The following BMPR1B variants were observed in gnomAD, a reference collection of about 807,000 sequenced individuals.
BMPR1B encodes bone morphogenetic protein receptor type 1B, also known as bone morphogenetic protein receptor type-1B.
Under a neutral mutation model 59.1 loss-of-function variants are expected in BMPR1B, and 12 were observed. That is an observed-to-expected ratio of 0.20 (90% CI 0.13 to 0.33). The LOEUF (loss-of-function observed/expected upper bound fraction) is 0.33. BMPR1B is among the 10% of genes least tolerant of loss of function. The pLI, the probability that BMPR1B is intolerant of heterozygous loss-of-function variation, is 1.00. For synonymous variants in BMPR1B, 237 were observed against 207.3 expected, an observed-to-expected ratio of 1.14 and a Z score of -1.23; for missense variants, 550 against 610.9, an observed-to-expected ratio of 0.90 and a Z score of 1.05.
intron 2 of BMPR1B, among the ~76,000 whole-genome samples, chr4:94,902,030 G>T (rs1184036660): frequency 1.3e-5 from 2 of 148,452 alleles, no homozygotes; most frequent in South Asian, 4.4e-4. Context: ...GGTTAAGAGG[G>T]CTCTGCAGAC....
intron 1 of BMPR1B, among the ~76,000 whole-genome samples, chr4:94,798,256 C>G (rs1723269674): frequency 6.6e-6 from 1 of 152,154 alleles, no homozygotes; most frequent in South Asian, 2.1e-4. Flanking sequence ...CGTTTGCAGT[C>G]CTAAGGTCCT....
intron 2 of BMPR1B, among the ~76,000 whole-genome samples, chr4:94,980,321 A>G (rs945267067): frequency 4.6e-5 from 7 of 152,202 alleles, no homozygotes; most frequent in Admixed American, 3.9e-4. Flanking sequence ...AAATAGGATT[A>G]CTTATTTCAT....
intron 3 of BMPR1B, among the ~76,000 whole-genome samples, chr4:95,095,967 A>G (rs1730341234): frequency 6.6e-6 from 1 of 151,902 alleles, no homozygotes; most frequent in East Asian, 1.9e-4. Context: ...AATTTTGAAG[A>G]TAAAATTTAA....
chr4:95,041,109 C>T (rs1282095755), intron 3 of BMPR1B, among the ~76,000 whole-genome samples: 6 of 152,274 alleles, frequency 3.9e-5, no homozygotes, highest in Admixed American at 6.5e-5. Context: ...TACATTGGCA[C>T]GATCATGGCT....
rs1293725838 is a variant in BMPR1B, at chr4:94,987,212, TATC to T, written c.-112-8825_-112-8823del. Among the ~76,000 whole-genome samples, 7 of 143,586 alleles carry T rather than the reference TATC, an allele frequency of 4.9e-5. No homozygotes were observed. The East Asian group carries it at 9.8e-4, about 20-fold the overall frequency. 94.2% of individuals were successfully genotyped at this position (143,586 alleles called of 152,430 possible). A position where few individuals can be genotyped will look rare whatever the true frequency, so the allele number is the denominator to read the frequency against. ...TAATATATCATATATATGTAATATA[TATC>T]ATATTATATATAATATATGTAATAT... On this transcript the variant is annotated intron_variant, in intron 2 of 12. Coordinates refer to ENST00000515059, the MANE Select transcript of BMPR1B (RefSeq NM_001203.3).
At chr4:95,008,154 G>A (rs1470990118) in intron 3 of BMPR1B, among the ~76,000 whole-genome samples, 1 of 152,070 alleles carries the variant, frequency 6.6e-6, no homozygotes, top group Non-Finnish European at 1.5e-5. Flanking sequence ...GAGTTTATAA[G>A]GAATACAGGC....
chr4:94,982,871 G>C (rs1721179388), intron 2 of BMPR1B, among the ~76,000 whole-genome samples: 1 of 151,954 alleles, frequency 6.6e-6, no homozygotes, highest in Non-Finnish European at 1.5e-5. Flanking sequence ...TGTAGTCCCA[G>C]CTACTCGGGA....
At chr4:95,048,499 CT>C (rs1726204006) in intron 3 of BMPR1B, among the ~76,000 whole-genome samples, 1 of 152,156 alleles carries the variant, frequency 6.6e-6, no homozygotes, top group Non-Finnish European at 1.5e-5. Context: ...GCCTTTCTGA[CT>C]GGTGTAAGAT....
chr4:94,929,584 T>C (rs1017876707), intron 2 of BMPR1B, among the ~76,000 whole-genome samples: 1 of 152,116 alleles, frequency 6.6e-6, no homozygotes, highest in Non-Finnish European at 1.5e-5. Flanking sequence ...CTGCTTTGGT[T>C]CCTTTGCAAG....
Position 94,803,779 on chromosome 4 carries a change from T to G in BMPR1B, c.-183+45711T>G, listed in dbSNP as rs182468465. On this transcript the variant is annotated intron_variant, in intron 1 of 12. Coordinates refer to ENST00000515059, the MANE Select transcript of BMPR1B (RefSeq NM_001203.3). The stretch of plus-strand genomic sequence containing the variant: ...TCTTGGTCTTTGCATATGCATTTCT[T>G]CTAGATAAATCTTAATCTCCCCAAA... 3.3e-4 allele frequency among the ~76,000 whole-genome samples: 51 copies of G among 152,326 alleles called. No individual in the cohort carries two copies. The East Asian group carries it at 9.2e-3, about 28-fold the overall frequency.
At chr4:95,058,408 G>C (rs935737164) in intron 3 of BMPR1B, among the ~76,000 whole-genome samples, 2 of 152,094 alleles carry the variant, frequency 1.3e-5, no homozygotes, top group Non-Finnish European at 2.9e-5. Flanking sequence ...TGTCCCCATA[G>C]TCATATTGGT....
chr4:95,154,795 G>T lies in BMPR1B; in HGVS notation c.*122G>T. On this transcript the variant is annotated 3_prime_UTR_variant, in exon 13 of 13. Coordinates refer to ENST00000515059, the MANE Select transcript of BMPR1B (RefSeq NM_001203.3). The stretch of plus-strand genomic sequence containing the variant: ...GCCTTGAACATCGTCCTGCTTCCCA[G>T]TGGGTTCAGACCTCACCTCTCAGGG... The T allele has an allele frequency of 2.8e-6, 4 of 1,444,364 alleles. No individual in the cohort carries two copies. The highest frequency in any genetic ancestry group is 3.8e-6 in the Non-Finnish European group (4 of 1,041,714). 89.5% of individuals were successfully genotyped at this position (1,444,364 alleles called of 1,614,324 possible).
At chr4:95,020,745 G>C (rs984463945) in intron 3 of BMPR1B, among the ~76,000 whole-genome samples, 9 of 152,146 alleles carry the variant, frequency 5.9e-5, no homozygotes, top group African/African-American at 2.2e-4. Context: ...CTAGGCTAGA[G>C]TACAGTGGCA....
rs147742409 is a variant in BMPR1B, at chr4:94,852,376, A to G, written c.-182-23455A>G. ...CACACATATGGACATTACTATGTCT[A>G]ATTTTGAGGAATGATAGAAATTTTA... On this transcript the variant is annotated intron_variant, in intron 1 of 12. Coordinates refer to ENST00000515059, the MANE Select transcript of BMPR1B (RefSeq NM_001203.3). Among the ~76,000 whole-genome samples the G allele has an allele frequency of 9.1e-4, 138 of 152,274 alleles. 1 individual carries two copies. The East Asian group carries it at 0.012, about 13-fold the overall frequency.
At chr4:95,003,786 A>G (rs754551951) in intron 3 of BMPR1B, among the ~76,000 whole-genome samples, 8 of 144,202 alleles carry the variant, frequency 5.5e-5, no homozygotes, top group South Asian at 4.7e-4. Flanking sequence ...AAACTTGGAT[A>G]TGACCAAAGT....
intron 2 of BMPR1B, among the ~76,000 whole-genome samples, chr4:94,916,969 A>G (rs1210074270): frequency 1.3e-5 from 2 of 152,240 alleles, no homozygotes; most frequent in African/African-American, 2.4e-5. Context: ...TCTGGCAGCC[A>G]TGTCTCAAAG....
rs544941386 is a variant in BMPR1B, at chr4:94,949,377, C to T, written c.-112-46663C>T. Among the ~76,000 whole-genome samples the T allele has an allele frequency of 4.6e-3, 435 of 95,552 alleles. 106 individuals carry two copies. Among genetic ancestry groups the T allele is most frequent in the African/African-American group, 0.02 (419 of 20,498 alleles). The allele number at this position is 95,552 out of a possible 152,430, so 62.7% of individuals were successfully genotyped here. ...CAGGCCGGACTGCGGACTGCAGTGG[C>T]GCAATCTCGGCTCACTGCAAGCTCT... is the stretch of plus-strand genomic sequence containing the variant. On this transcript the variant is annotated intron_variant, in intron 2 of 12. Transcript: ENST00000515059.
intron 2 of BMPR1B, among the ~76,000 whole-genome samples, chr4:94,936,506 G>T (rs1257732786): frequency 6.6e-6 from 1 of 151,902 alleles, no homozygotes. Context: ...GTTGTTGTTG[G>T]GGGTGAGGGG....
At chr4:94,893,932 T>C (rs1390249093) in intron 2 of BMPR1B, among the ~76,000 whole-genome samples, 1 of 152,050 alleles carries the variant, frequency 6.6e-6, no homozygotes, top group African/African-American at 2.4e-5. Context: ...TCAGTTTTGT[T>C]GTCCTTGGCA....
Sources: allele counts gnomAD v4.1 joint callset (sites outside exome capture counted in the v4.1 genomes callset), GRCh38; gene constraint gnomAD v4.1.1; transcripts MANE v1.5; gene names NCBI Gene and HGNC (gene_info 2026-07-23, HGNC 2026-07-21).